COL19A1: variants seen among roughly 807,000 people sequenced by gnomAD.
COL19A1 encodes the protein collagen type XIX alpha 1 chain.
COL19A1 carries 159 observed loss-of-function variants against 190.2 expected under a neutral mutation model. That is an observed-to-expected ratio of 0.84 (90% CI 0.73 to 0.95). The LOEUF (loss-of-function observed/expected upper bound fraction) is 0.95, where lower values mean the gene tolerates loss of function less well. Ranked by LOEUF, COL19A1 falls within the 40% of genes least tolerant of loss-of-function variation. The pLI, the probability that COL19A1 is intolerant of heterozygous loss-of-function variation, is 0.00. For synonymous variants in COL19A1, 509 were observed against 458.9 expected (o/e 1.11, Z -1.39); for missense variants, 1,418 against 1,431.9 (o/e 0.99, Z 0.16).
intron 11 of COL19A1, among the ~76,000 whole-genome samples, chr6:70,010,117 G>A (rs562241411): frequency 6.6e-6 from 1 of 152,068 alleles, no homozygotes; most frequent in East Asian, 1.9e-4. Flanking sequence ...GACACTGCCA[G>A]GAGAATAAAA....
At chr6:69,900,756 T>A (rs1770135387) in intron 4 of COL19A1, among the ~76,000 whole-genome samples, 1 of 152,190 alleles carries the variant, frequency 6.6e-6, no homozygotes. Context: ...TAAAAGAATT[T>A]AGCTCTTAGG....
chr6:70,141,160 T>G (rs564369177), intron 20 of COL19A1, among the ~76,000 whole-genome samples, 171 bp downstream of exon 20: 1 of 152,088 alleles, frequency 6.6e-6, no homozygotes, highest in African/African-American at 2.4e-5. Flanking sequence ...AAATAAGAAA[T>G]TTTAAGCCTT....
chr6:70,140,863 C>T (rs1786203307), intron 19 of COL19A1, 91 bp from the exon 20 acceptor site: 1 of 1,178,882 alleles, frequency 8.5e-7, no homozygotes, highest in Admixed American at 1.8e-5. Context: ...CAATGGGAAT[C>T]TGAGTTTGGC....
At chr6:70,184,650 G>A in intron 44 of COL19A1, 53 bp from the exon 45 acceptor site, 1 of 1,398,070 alleles carries the variant, frequency 7.2e-7, no homozygotes, top group Non-Finnish European at 1.0e-6. Flanking sequence ...CTTTTGTTGT[G>A]TTTAACTATG....
chr6:69,950,488 T>G (rs994949823), intron 9 of COL19A1, among the ~76,000 whole-genome samples: 5 of 151,804 alleles, frequency 3.3e-5, no homozygotes. Context: ...GCCTAAGAGA[T>G]TCGGTAAGTG....
At chr6:70,041,051 C>T (rs2150123283) in intron 14 of COL19A1, among the ~76,000 whole-genome samples, 1 of 152,110 alleles carries the variant, frequency 6.6e-6, no homozygotes, top group East Asian at 1.9e-4. Context: ...AGAAATGAAA[C>T]ACTTTCAGCC....
At chr6:70,043,634 G>A (rs747329048) in intron 14 of COL19A1, among the ~76,000 whole-genome samples, 25 of 152,184 alleles carry the variant, frequency 1.6e-4, no homozygotes, top group Non-Finnish European at 2.8e-4. Flanking sequence ...TGGGTTACCA[G>A]ATGCGTTGTC....
rs371079060 is a variant in COL19A1 at position 70,149,754 on chromosome 6, T to G, written c.1929+15T>G. ...CAGGTATTCAGGTAAGCTATTTAAC[T>G]AATTTTTTAGCACAGCAAAGCCAGC... On this transcript the variant is annotated intron_variant, in intron 28 of 50. Coordinates refer to ENST00000620364, the MANE Select transcript of COL19A1 (RefSeq NM_001858.6). 6.8e-6 allele frequency: 11 copies of G among 1,613,556 alleles called. 1 individual carries two copies. In the Middle Eastern group the frequency reaches 1.5e-3, roughly 217 times the overall value.
At chr6:70,058,682 A>C (rs918878964) in intron 14 of COL19A1, among the ~76,000 whole-genome samples, 6 of 152,154 alleles carry the variant, frequency 3.9e-5, no homozygotes, top group African/African-American at 1.4e-4. Flanking sequence ...AAATAACATA[A>C]CATAAAGCTG....
At position 70,063,141 on chromosome 6, in the gene COL19A1, T is replaced by C. The variant is rs537942428; in HGVS notation, c.1171-5282T>C. Among the ~76,000 whole-genome samples the C allele has an allele frequency of 1.8e-4, 28 of 152,266 alleles. 1 individual carries two copies. In the East Asian group the frequency reaches 5.0e-3, roughly 27 times the overall value. On this transcript the variant is annotated intron_variant, in intron 14 of 50. Coordinates refer to ENST00000620364, the MANE Select transcript of COL19A1 (RefSeq NM_001858.6). Reference sequence around the variant, plus strand: ...CTGCACCAAGCAGACCTAATACACATCTACAGAACTCTCCACCCCAAATCA... The same window carrying C: ...CTGCACCAAGCAGACCTAATACACACCTACAGAACTCTCCACCCCAAATCA...
chr6:69,895,140 G>A (rs774330130), intron 2 of COL19A1, among the ~76,000 whole-genome samples: 2 of 152,158 alleles, frequency 1.3e-5, no homozygotes, highest in Non-Finnish European at 2.9e-5. Flanking sequence ...GGCTGTGGGG[G>A]ACTTTTGAGC....
At chr6:70,060,611 T>C (rs1780773499) in intron 14 of COL19A1, among the ~76,000 whole-genome samples, 2 of 152,236 alleles carry the variant, frequency 1.3e-5, no homozygotes, top group Middle Eastern at 3.4e-3. Context: ...GGGATCTAGG[T>C]TGCGTGCTGC....
chr6:69,986,335 T>C (rs1451077029), intron 11 of COL19A1, among the ~76,000 whole-genome samples: 1 of 151,516 alleles, frequency 6.6e-6, no homozygotes, highest in Admixed American at 6.6e-5. Flanking sequence ...AAGCTGAGGT[T>C]ATTGATTGTT....
chr6:69,968,813 G>A (rs898602803), intron 11 of COL19A1, among the ~76,000 whole-genome samples: 21 of 152,030 alleles, frequency 1.4e-4, no homozygotes, highest in Non-Finnish European at 2.9e-4. Flanking sequence ...TATAATATAC[G>A]TAAACGATTA....
At chr6:70,188,348 C>G (rs745611852) in intron 47 of COL19A1, 103 bp downstream of exon 47, 1 of 1,348,972 alleles carries the variant, frequency 7.4e-7, no homozygotes, top group African/African-American at 1.5e-5. Context: ...TAAAACAAAC[C>G]TAAACTGGTC....
At position 69,900,250 on chromosome 6, in the gene COL19A1, G is replaced by T. The variant is rs1347237455; in HGVS notation, c.178G>T (p.Gly60Ter). 35 of 1,585,038 alleles carry T rather than the reference G, an allele frequency of 2.2e-5. No individual in the cohort carries two copies. The highest frequency in any genetic ancestry group is 3.0e-5 in the Non-Finnish European group (35 of 1,165,676). Residue 60 changes from glycine (G) to a stop codon, truncating the protein, a stop_gained, in exon 4 of 51, where the codon GGA (glycine) becomes TGA (stop). Transcript: ENST00000620364. LOFTEE classifies it high-confidence loss of function. ...NKLEVSGFDLGDSFSLRRAFC... is the reference protein window; with the variant it reads ...NKLEVSGFDL ...GTTACATTTTACAGGTTTTGATCTA[G>T]GAGACAGCTTTTCTCTAAGACGTGC...
intron 14 of COL19A1, among the ~76,000 whole-genome samples, 174 bp from the exon 15 acceptor site, chr6:70,068,249 C>T (rs949806026): frequency 1.3e-5 from 2 of 151,746 alleles, no homozygotes; most frequent in African/African-American, 4.8e-5. Context: ...AGAAGCCAGT[C>T]AAAGAAGGGC....
intron 14 of COL19A1, among the ~76,000 whole-genome samples, chr6:70,054,287 T>C (rs894625577): frequency 2.6e-5 from 4 of 151,882 alleles, no homozygotes; most frequent in Non-Finnish European, 5.9e-5. Context: ...GAGGCGGAGG[T>C]TGCAGTGAGC....
At chr6:70,197,110 C>T (rs1313687449) in intron 48 of COL19A1, among the ~76,000 whole-genome samples, 1 of 151,948 alleles carries the variant, frequency 6.6e-6, no homozygotes, top group Non-Finnish European at 1.5e-5. Flanking sequence ...GGTATTTAAA[C>T]AGACATGTTT....
Sources: gnomAD v4.1 joint callset for allele counts (sites outside exome capture counted in the v4.1 genomes callset) on GRCh38, gnomAD v4.1.1 for gene constraint, MANE v1.5 for transcripts, NCBI Gene and HGNC (gene_info 2026-07-23, HGNC 2026-07-21) for gene names.